Variants in CNNM4 observed in about 807,000 individuals in gnomAD.
CNNM4 encodes the protein cyclin and CBS domain divalent metal cation transport mediator 4.
Under a neutral mutation model 53.7 loss-of-function variants are expected in CNNM4, and 32 were observed. The ratio of observed to expected loss-of-function variants is 0.60; its 90% CI spans 0.45 to 0.80. CNNM4 has a LOEUF of 0.80. Among genes scored for constraint, CNNM4 ranks in the 30% least tolerant of loss-of-function variants. CNNM4 has a pLI of 0.00. For synonymous variants in CNNM4, 410 were observed against 440.0 expected, an observed-to-expected ratio of 0.93 and a Z score of 0.85; for missense variants, 784 against 1,022.0, an observed-to-expected ratio of 0.77 and a Z score of 3.17.
chr2:96,809,856 A>T lies in CNNM4; in HGVS notation c.*339A>T, dbSNP rs746489405. The T allele has an allele frequency of 8.9e-5, 18 of 201,380 alleles. No individual in the cohort carries two copies. The highest frequency in any genetic ancestry group is 2.2e-4 in the East Asian group (2 of 9,066). The allele number at this position is 201,380 out of a possible 1,614,324, so 12.5% of individuals were successfully genotyped here. Reference sequence around the variant, plus strand: ...GTTAAGGAACTTTATTTAAAAAAAAAATATTTTTTTCCTAAAAACTATAAA... The same window carrying T: ...GTTAAGGAACTTTATTTAAAAAAAATATATTTTTTTCCTAAAAACTATAAA... On this transcript the variant is annotated 3_prime_UTR_variant, in exon 7 of 7. Coordinates refer to ENST00000377075, the MANE Select transcript of CNNM4 (RefSeq NM_020184.4).
chr2:96,802,140 CCACACACAGA>C (rs1365037202), intron 5 of CNNM4, among the ~76,000 whole-genome samples: 4 of 150,340 alleles, frequency 2.7e-5, no homozygotes, highest in South Asian at 2.1e-4. Context: ...CACACAGATA[CCACACACAGA>C]CACACACAGA....
Position 96,797,744 on chromosome 2 carries a change from C to T in CNNM4, c.1681+97C>T, listed in dbSNP as rs2079117895. The T allele has an allele frequency of 3.3e-6, 5 of 1,535,772 alleles. No homozygotes were observed. Among genetic ancestry groups the T allele is most frequent in the African/African-American group, 2.7e-5 (2 of 73,484 alleles). On this transcript the variant is annotated intron_variant, in intron 3 of 6. Transcript: ENST00000377075. This position sits in a 1 kb window ranked among gnomAD's most constrained non-coding sequence, Gnocchi z 6.0. ...CTTTCCCCCCATAGGACGAGGGCTG[C>T]AGCAGGTGAGGGGTGCAGAGACAAC...
chr2:96,761,110 C>CCAGGGCAGCCCCCAG lies in CNNM4; in HGVS notation c.119_133dup (p.Ser40_Gly44dup), dbSNP rs756265810. 4.5e-6 allele frequency: 7 copies of CCAGGGCAGCCCCCAG among 1,560,844 alleles called. No individual in the cohort carries two copies. The South Asian group carries it at 8.3e-5, about 18-fold the overall frequency. On this transcript the variant is annotated inframe_insertion, in exon 1 of 7. Coordinates refer to ENST00000377075, the MANE Select transcript of CNNM4 (RefSeq NM_020184.4). This position sits in a 1 kb window ranked among gnomAD's most constrained non-coding sequence, Gnocchi z 6.0. ...TGCTGTGGGCGCTGGGGGCCCGGGG[C>CCAGGGCAGCCCCCAG]CAGGGCAGCCCCCAGCAGGGCACGA...
intron 1 of CNNM4, among the ~76,000 whole-genome samples, chr2:96,781,645 C>T (rs1360681852): frequency 1.3e-5 from 2 of 152,216 alleles, no homozygotes; most frequent in Non-Finnish European, 2.9e-5. Flanking sequence ...AACCAGGAAG[C>T]TCAGTGAGCT....
chr2:96,772,420 TCACA>T (rs1343835541), intron 1 of CNNM4, among the ~76,000 whole-genome samples: 1 of 108,538 alleles, frequency 9.2e-6, no homozygotes, highest in Non-Finnish European at 1.8e-5. Flanking sequence ...AGGCAGGCGC[TCACA>T]CACACATGCG....
intron 1 of CNNM4, among the ~76,000 whole-genome samples, chr2:96,794,018 A>T (rs1419812111): frequency 1.3e-5 from 2 of 151,934 alleles, no homozygotes; most frequent in Non-Finnish European, 2.9e-5. Context: ...CTGTGAGGGA[A>T]CCTTTCGTTG....
intron 1 of CNNM4, among the ~76,000 whole-genome samples, chr2:96,768,496 A>G (rs2078838397): frequency 6.6e-6 from 1 of 152,156 alleles, no homozygotes; most frequent in Admixed American, 6.6e-5. Context: ...ATGCTTCTGA[A>G]GTGAGAGTAA....
At chr2:96,807,547 A>C (rs571678890) in intron 5 of CNNM4, among the ~76,000 whole-genome samples, 1 of 152,112 alleles carries the variant, frequency 6.6e-6, no homozygotes, top group Non-Finnish European at 1.5e-5. Flanking sequence ...CAAAAACAAA[A>C]ACAAAACAAA....
At chr2:96,799,511 T>C (rs1225712977) in intron 4 of CNNM4, 41 bp from the exon 5 acceptor site, 3 of 1,515,022 alleles carry the variant, frequency 2.0e-6, no homozygotes, top group Non-Finnish European at 2.7e-6. Flanking sequence ...CTTTGTTTCC[T>C]CCCTCACTTG....
intron 5 of CNNM4, 86 bp downstream of exon 5, chr2:96,799,734 C>A: frequency 8.8e-7 from 1 of 1,141,122 alleles, no homozygotes; most frequent in Non-Finnish European, 1.3e-6. Context: ...GAGCATGGGC[C>A]CGAGAGCTCA....
At position 96,801,041 on chromosome 2, in the gene CNNM4, C is replaced by T. The variant is rs969733957; in HGVS notation, c.1948+1393C>T. The T allele has an allele frequency of 1.7e-5, 17 of 973,292 alleles. No individual in the cohort carries two copies. The highest frequency in any genetic ancestry group is 4.7e-5 in the South Asian group (1 of 21,080). The allele number at this position is 973,292 out of a possible 1,614,324, so 60.3% of individuals were successfully genotyped here. On this transcript the variant is annotated intron_variant, in intron 5 of 6. Transcript: ENST00000377075. The surrounding 1 kb of genome is among the most constrained non-coding windows in gnomAD (Gnocchi z 5.6). ...GGTTCCGTGTCCTGTCTCCTGACTGCGCCCATCACTGACCTTCTCTTTTGC... is the reference window on the plus strand; with the variant it reads ...GGTTCCGTGTCCTGTCTCCTGACTGTGCCCATCACTGACCTTCTCTTTTGC...
In CNNM4 at chr2:96,801,656, CCACACA is replaced by C. The variant is rs141454994; in HGVS notation, c.1948+2021_1948+2026del. Among the ~76,000 whole-genome samples the C allele has an allele frequency of 2.8e-5, 4 of 141,958 alleles. No homozygotes were observed. The highest frequency in any genetic ancestry group is 6.2e-5 in the Non-Finnish European group (4 of 64,748). 93.1% of individuals were successfully genotyped at this position (141,958 alleles called of 152,430 possible). On this transcript the variant is annotated intron_variant, in intron 5 of 6. Transcript: ENST00000377075. The surrounding 1 kb of genome is among the most constrained non-coding windows in gnomAD (Gnocchi z 5.6). ...GAGAGACCACACACATGCAGAGAGA[CCACACA>C]CACACACACACAGAGACCACACGCA...
At chr2:96,788,243 C>T (rs935318635) in intron 1 of CNNM4, among the ~76,000 whole-genome samples, 3 of 151,552 alleles carry the variant, frequency 2.0e-5, no homozygotes, top group Admixed American at 6.6e-5. Flanking sequence ...CTGTTTTAAT[C>T]GCTGTAATCT....
chr2:96,808,430 G>C lies in CNNM4; in HGVS notation c.1949-131G>C. ...GCAGTCAGACCTTCTACATGCTTCTGTTTGTCCCTAAGAATGACTTCCTGT... is the reference window on the plus strand; with the variant it reads ...GCAGTCAGACCTTCTACATGCTTCTCTTTGTCCCTAAGAATGACTTCCTGT... On this transcript the variant is annotated intron_variant, in intron 5 of 6. Coordinates refer to ENST00000377075, the MANE Select transcript of CNNM4 (RefSeq NM_020184.4). The surrounding 1 kb of genome is among the most constrained non-coding windows in gnomAD (Gnocchi z 4.9). 1 of 860,094 alleles carries C rather than the reference G, an allele frequency of 1.2e-6. No individual in the cohort carries two copies. Among genetic ancestry groups the C allele is most frequent in the Non-Finnish European group, 1.9e-6 (1 of 521,990 alleles). The allele number at this position is 860,094 out of a possible 1,614,324, so 53.3% of individuals were successfully genotyped here.
chr2:96,791,005 A>G (rs916174910), intron 1 of CNNM4, among the ~76,000 whole-genome samples: 1 of 151,628 alleles, frequency 6.6e-6, no homozygotes, highest in African/African-American at 2.4e-5. Flanking sequence ...CTGTAGTCCC[A>G]GCTACTCGGG....
intron 1 of CNNM4, among the ~76,000 whole-genome samples, chr2:96,786,266 A>G (rs2079015509): frequency 6.6e-6 from 1 of 151,588 alleles, no homozygotes; most frequent in Non-Finnish European, 1.5e-5. Context: ...AAAACACAAA[A>G]ATTAGCCAGG....
In CNNM4 at chr2:96,808,805, T is replaced by C; in HGVS notation, c.2130+63T>C. On this transcript the variant is annotated intron_variant, in intron 6 of 6. Coordinates refer to ENST00000377075, the MANE Select transcript of CNNM4 (RefSeq NM_020184.4). The surrounding 1 kb of genome is among the most constrained non-coding windows in gnomAD (Gnocchi z 4.9). ...TCTGCTCAGGAATCAGCTACTACTT[T>C]CATCCACCAAACCCAGCATGGTGGG... 2 of 1,545,204 alleles carry C rather than the reference T, an allele frequency of 1.3e-6. No homozygotes were observed. Among genetic ancestry groups the C allele is most frequent in the Non-Finnish European group, 1.8e-6 (2 of 1,119,386 alleles).
chr2:96,808,809 C>A lies in CNNM4; in HGVS notation c.2130+67C>A. ...CTCAGGAATCAGCTACTACTTTCATCCACCAAACCCAGCATGGTGGGCCCA... is the reference window on the plus strand; with the variant it reads ...CTCAGGAATCAGCTACTACTTTCATACACCAAACCCAGCATGGTGGGCCCA... On this transcript the variant is annotated intron_variant, in intron 6 of 6. Transcript: ENST00000377075. The surrounding 1 kb of genome is among the most constrained non-coding windows in gnomAD (Gnocchi z 4.9). 1 of 1,521,948 alleles carries A rather than the reference C, an allele frequency of 6.6e-7. No homozygotes were observed. Among genetic ancestry groups the A allele is most frequent in the Non-Finnish European group, 9.1e-7 (1 of 1,099,092 alleles). The allele number at this position is 1,521,948 out of a possible 1,614,324, so 94.3% of individuals were successfully genotyped here.
At chr2:96,772,427 CA>C in intron 1 of CNNM4, among the ~76,000 whole-genome samples, 1 of 140,290 alleles carries the variant, frequency 7.1e-6, no homozygotes, top group Non-Finnish European at 1.5e-5. Flanking sequence ...CGCTCACACA[CA>C]CATGCGCACA....
Sources: gnomAD v4.1 joint callset for allele counts (sites outside exome capture counted in the v4.1 genomes callset) on GRCh38, gnomAD v4.1.1 for gene constraint, Gnocchi (gnomAD v3.1) non-coding constraint, MANE v1.5 for transcripts, NCBI Gene and HGNC (gene_info 2026-07-23, HGNC 2026-07-21) for gene names.